The following NKAIN2 variants were observed in gnomAD, a reference collection of about 807,000 sequenced individuals.
NKAIN2 encodes sodium/potassium transporting ATPase interacting 2, also known as sodium/potassium-transporting ATPase subunit beta-1-interacting protein 2.
Under a neutral mutation model 32.6 loss-of-function variants are expected in NKAIN2, and 14 were observed. The observed-to-expected ratio is 0.43, with a 90% CI of 0.28 to 0.67. The LOEUF (loss-of-function observed/expected upper bound fraction) is 0.67, where lower values mean the gene tolerates loss of function less well. Among genes scored for constraint, NKAIN2 ranks in the 30% least tolerant of loss-of-function variants. The probability of loss-of-function intolerance (pLI) is 0.17; values close to 1 mark genes in which losing one functional copy is unlikely to be tolerated. For missense variants in NKAIN2, 198 were observed against 258.3 expected (o/e 0.77, Z 1.60); for synonymous variants, 80 against 87.2 (o/e 0.92, Z 0.46).
chr6:124,685,606 C>CTA (rs547202479), intron 4 of NKAIN2, among the ~76,000 whole-genome samples: 179 of 152,192 alleles, frequency 1.2e-3, no homozygotes, highest in African/African-American at 4.2e-3. Context: ...GAAAAAAATT[C>CTA]TATATTGGCT....
intron 4 of NKAIN2, among the ~76,000 whole-genome samples, chr6:124,683,002 T>C (rs1166339709): frequency 6.6e-6 from 1 of 152,180 alleles, no homozygotes; most frequent in African/African-American, 2.4e-5. Flanking sequence ...CCAGCATATG[T>C]CATGATAAAT....
intron 3 of NKAIN2, chr6:124,390,835 G>C (rs959834615): frequency 6.6e-6 from 1 of 152,058 alleles, no homozygotes; most frequent in African/African-American, 2.4e-5. Flanking sequence ...GAGTAAGGAA[G>C]GGACAAGGCT....
intron 2 of NKAIN2, among the ~76,000 whole-genome samples, chr6:124,344,348 G>T (rs907968679): frequency 1.3e-5 from 2 of 151,982 alleles, no homozygotes; most frequent in African/African-American, 4.8e-5. Flanking sequence ...TTTTAAAGTA[G>T]TTTTTTCCAA....
chr6:124,344,424 G>A (rs1444204066), intron 2 of NKAIN2, among the ~76,000 whole-genome samples: 5 of 151,754 alleles, frequency 3.3e-5, no homozygotes, highest in Non-Finnish European at 7.4e-5. Context: ...ACCTTGGGCA[G>A]TATGGCCATT....
intron 1 of NKAIN2, among the ~76,000 whole-genome samples, chr6:124,148,569 G>A (rs1167259567): frequency 6.6e-6 from 1 of 152,098 alleles, no homozygotes; most frequent in Non-Finnish European, 1.5e-5. Context: ...TAGTCCTGCA[G>A]ATCAATATGT....
At chr6:123,975,046 G>A (rs1200350087) in intron 1 of NKAIN2, among the ~76,000 whole-genome samples, 1 of 151,992 alleles carries the variant, frequency 6.6e-6, no homozygotes, top group Non-Finnish European at 1.5e-5. Context: ...TAAGGGGAAG[G>A]GAGAGTAAAA....
At chr6:124,364,366 G>A (rs1299230907) in intron 3 of NKAIN2, among the ~76,000 whole-genome samples, 1 of 151,854 alleles carries the variant, frequency 6.6e-6, no homozygotes, top group Non-Finnish European at 1.5e-5. Flanking sequence ...AAGTGAAGAT[G>A]ACAGAGAATT....
intron 5 of NKAIN2, among the ~76,000 whole-genome samples, chr6:124,817,365 G>C (rs1372389124): frequency 6.6e-6 from 1 of 152,086 alleles, no homozygotes; most frequent in Non-Finnish European, 1.5e-5. Context: ...CGATTGAAAG[G>C]TATTTTATTT....
intron 1 of NKAIN2, among the ~76,000 whole-genome samples, chr6:124,054,785 T>C (rs961403687): frequency 1.3e-5 from 2 of 151,982 alleles, no homozygotes; most frequent in African/African-American, 4.8e-5. Flanking sequence ...ATGGAAGATG[T>C]GGGGAAGGAG....
intron 1 of NKAIN2, among the ~76,000 whole-genome samples, chr6:123,830,223 C>T (rs1774320174): frequency 6.6e-6 from 1 of 152,166 alleles, no homozygotes; most frequent in Admixed American, 6.5e-5. Context: ...AACTTCACTT[C>T]CACATGTCCT....
At position 124,652,687 on chromosome 6, in the gene NKAIN2, T is replaced by G. The variant is rs1342115215; in HGVS notation, c.274-5499T>G. 2.6e-5 allele frequency among the ~76,000 whole-genome samples: 4 copies of G among 152,082 alleles called. No homozygotes were observed. In the East Asian group the frequency reaches 7.7e-4, roughly 29 times the overall value. The stretch of plus-strand genomic sequence containing the variant: ...CAAAGTCCTTCTTGTTGTGTTATAA[T>G]ATGGCAGAAGGCATCACCAGGTAGA... On this transcript the variant is annotated intron_variant, in intron 3 of 6. Transcript: ENST00000368417.
At chr6:124,270,452 A>G (rs1311419401) in intron 1 of NKAIN2, among the ~76,000 whole-genome samples, 2 of 152,154 alleles carry the variant, frequency 1.3e-5, no homozygotes, top group Admixed American at 1.3e-4. Flanking sequence ...TAGTTGACAA[A>G]TTTCAAATTC....
chr6:124,142,801 G>A (rs763842567), intron 1 of NKAIN2, among the ~76,000 whole-genome samples: 4 of 152,198 alleles, frequency 2.6e-5, no homozygotes, highest in East Asian at 1.9e-4. Context: ...TTTATCTCAA[G>A]TACTATTTTT....
intron 3 of NKAIN2, among the ~76,000 whole-genome samples, chr6:124,637,979 A>T (rs999679886): frequency 6.6e-6 from 1 of 152,150 alleles, no homozygotes; most frequent in Non-Finnish European, 1.5e-5. Context: ...AACAAACTGA[A>T]GGCATCATAC....
At chr6:124,504,164 A>G (rs1778392244) in intron 3 of NKAIN2, among the ~76,000 whole-genome samples, 1 of 152,122 alleles carries the variant, frequency 6.6e-6, no homozygotes, top group Non-Finnish European at 1.5e-5. Flanking sequence ...CCAACAATAT[A>G]CACCAGTATA....
chr6:124,713,480 A>C (rs1775600026), intron 4 of NKAIN2, among the ~76,000 whole-genome samples: 1 of 152,210 alleles, frequency 6.6e-6, no homozygotes, highest in South Asian at 2.1e-4. Context: ...TCCAATAAAG[A>C]CAAGACAAGC....
At chr6:124,271,538 T>A (rs914989975) in intron 1 of NKAIN2, among the ~76,000 whole-genome samples, 3 of 152,192 alleles carry the variant, frequency 2.0e-5, no homozygotes, top group African/African-American at 7.2e-5. Context: ...CTTTACAAAT[T>A]ACCCAGTCTC....
rs535124912 is a variant in NKAIN2, at chr6:124,726,545, A to G, written c.475-64794A>G. Among the ~76,000 whole-genome samples, 1,027 of 150,690 alleles carry G rather than the reference A, an allele frequency of 6.8e-3. 4 individuals are homozygous for G. Among genetic ancestry groups the G allele is most frequent in the South Asian group, 0.013 (60 of 4,730 alleles). On this transcript the variant is annotated intron_variant, in intron 4 of 6. Transcript: ENST00000368417. Reference sequence around the variant, plus strand: ...CAAACAGAAAGGACATCCACACCAAAAACCCATCTGTACATCACCATCATC... The same window carrying G: ...CAAACAGAAAGGACATCCACACCAAGAACCCATCTGTACATCACCATCATC...
chr6:123,945,036 G>A (rs1777001920), intron 1 of NKAIN2, among the ~76,000 whole-genome samples: 2 of 152,060 alleles, frequency 1.3e-5, no homozygotes, highest in South Asian at 2.1e-4. Context: ...TTTGCACAAA[G>A]TTATAAAGTC....
Sources: allele counts gnomAD v4.1 joint callset (sites outside exome capture counted in the v4.1 genomes callset), GRCh38; gene constraint gnomAD v4.1.1; transcripts MANE v1.5; gene names NCBI Gene and HGNC (gene_info 2026-07-23, HGNC 2026-07-21).